Variants in COL4A3 observed in about 807,000 individuals in gnomAD.
COL4A3 encodes the protein collagen alpha-3(IV) chain.
COL4A3 carries 135 observed loss-of-function variants against 217.4 expected under a neutral mutation model. The ratio of observed to expected loss-of-function variants is 0.62; its 90% confidence interval spans 0.54 to 0.72. COL4A3 has a LOEUF of 0.72. Among genes scored for constraint, COL4A3 ranks in the 30% least tolerant of loss-of-function variants. COL4A3 has a pLI of 0.00. For missense variants in COL4A3, 1,868 were observed against 2,119.9 expected (o/e 0.88, Z 2.33); for synonymous variants, 690 against 736.3 (o/e 0.94, Z 1.02).
intron 34 of COL4A3, 134 bp downstream of exon 34, chr2:227,284,479 G>A (rs996752758): frequency 2.0e-5 from 20 of 1,000,098 alleles, no homozygotes; most frequent in South Asian, 2.8e-5. Flanking sequence ...TCACACAGCC[G>A]GTTGGTGGCT....
intron 1 of COL4A3, among the ~76,000 whole-genome samples, chr2:227,209,964 G>A (rs1181455353): frequency 6.6e-6 from 1 of 152,166 alleles, no homozygotes; most frequent in Non-Finnish European, 1.5e-5. Flanking sequence ...TGGGTAATTG[G>A]GATGTTAGGC....
chr2:227,216,821 T>A (rs913025579), intron 1 of COL4A3, among the ~76,000 whole-genome samples: 3 of 152,204 alleles, frequency 2.0e-5, no homozygotes, highest in Non-Finnish European at 4.4e-5. Flanking sequence ...ACTTTCAGTC[T>A]GTTTACAAGG....
At chr2:227,208,163 T>G (rs1368856885) in intron 1 of COL4A3, among the ~76,000 whole-genome samples, 1 of 152,224 alleles carries the variant, frequency 6.6e-6, no homozygotes, top group African/African-American at 2.4e-5. Flanking sequence ...GAACTGACTT[T>G]GGGAAGGAAT....
At chr2:227,272,880 AG>A (rs1304531797) in intron 25 of COL4A3, 68 bp from the exon 26 acceptor site, 29 of 1,483,626 alleles carry the variant, frequency 2.0e-5, no homozygotes, top group Middle Eastern at 3.4e-4. Flanking sequence ...TCATATTTGG[AG>A]GATGATTAAC....
chr2:227,199,459 G>A (rs1385501967), intron 1 of COL4A3, among the ~76,000 whole-genome samples: 2 of 152,030 alleles, frequency 1.3e-5, no homozygotes, highest in African/African-American at 2.4e-5. Flanking sequence ...AGTTCACTTC[G>A]GCTCATTCAG....
chr2:227,186,010 A>C (rs748079156), intron 1 of COL4A3, among the ~76,000 whole-genome samples: 5 of 152,188 alleles, frequency 3.3e-5, no homozygotes, highest in Admixed American at 1.3e-4. Flanking sequence ...CCAGATAATG[A>C]AGGAGTCAGC....
intron 1 of COL4A3, among the ~76,000 whole-genome samples, chr2:227,179,809 A>T (rs2065811878): frequency 6.6e-6 from 1 of 152,246 alleles, no homozygotes; most frequent in Non-Finnish European, 1.5e-5. Context: ...ATACGTGTGC[A>T]GAGAATAATA....
intron 47 of COL4A3, chr2:227,305,376 C>A: frequency 2.7e-6 from 1 of 366,532 alleles, no homozygotes; most frequent in Non-Finnish European, 5.2e-6. Flanking sequence ...AAGGCCAATA[C>A]CTGTTTTTAA....
intron 1 of COL4A3, among the ~76,000 whole-genome samples, chr2:227,172,144 C>T (rs2065499077): frequency 6.6e-6 from 1 of 152,188 alleles, no homozygotes; most frequent in Non-Finnish European, 1.5e-5. Context: ...GCCCACTCTC[C>T]CAACTCCTGA....
intron 4 of COL4A3, 155 bp from the exon 5 acceptor site, chr2:227,244,796 A>T: frequency 2.4e-6 from 2 of 826,846 alleles, no homozygotes; most frequent in Non-Finnish European, 4.2e-6. Flanking sequence ...AAGTTTGTTA[A>T]ACCTTTAGTA....
chr2:227,256,999 T>A (rs548409573), intron 17 of COL4A3, among the ~76,000 whole-genome samples: 1 of 152,306 alleles, frequency 6.6e-6, no homozygotes, highest in East Asian at 1.9e-4. Context: ...TACTGAATAA[T>A]GTAGGCAATT....
chr2:227,285,643 C>T (rs1458239544), intron 34 of COL4A3, among the ~76,000 whole-genome samples: 1 of 152,146 alleles, frequency 6.6e-6, no homozygotes, highest in African/African-American at 2.4e-5. Context: ...ATATGAATAG[C>T]ATATCTCTGC....
At chr2:227,188,544 G>A (rs2066117129) in intron 1 of COL4A3, among the ~76,000 whole-genome samples, 1 of 151,678 alleles carries the variant, frequency 6.6e-6, no homozygotes, top group Non-Finnish European at 1.5e-5. Flanking sequence ...AGTTTGCTTA[G>A]AAAACTGGCT....
intron 43 of COL4A3, chr2:227,302,030 T>C (rs943428986): frequency 1.3e-5 from 2 of 152,250 alleles, no homozygotes; most frequent in Admixed American, 6.5e-5. Context: ...ATGGACAGTA[T>C]GAAAGTAGAT....
chr2:227,197,419 T>C (rs1441282539), intron 1 of COL4A3, among the ~76,000 whole-genome samples: 1 of 152,180 alleles, frequency 6.6e-6, no homozygotes, highest in Non-Finnish European at 1.5e-5. Context: ...TACAGTAGGC[T>C]ATACATCTAG....
At chr2:227,207,697 A>G (rs890587706) in intron 1 of COL4A3, among the ~76,000 whole-genome samples, 1 of 152,224 alleles carries the variant, frequency 6.6e-6, no homozygotes, top group African/African-American at 2.4e-5. Flanking sequence ...ATGGGCAGAA[A>G]TAGGTTGTAA....
chr2:227,223,636 T>A (rs746333984), intron 1 of COL4A3, among the ~76,000 whole-genome samples: 2 of 151,944 alleles, frequency 1.3e-5, no homozygotes, highest in Non-Finnish European at 2.9e-5. Context: ...TGGGAAATTG[T>A]GATGGGAGAA....
At chr2:227,275,507 T>C (rs1451443289) in intron 26 of COL4A3, among the ~76,000 whole-genome samples, 1 of 152,198 alleles carries the variant, frequency 6.6e-6, no homozygotes. Flanking sequence ...AGTGTGAATC[T>C]TTACTAAAGG....
chr2:227,302,677 CAAAAAAAAAAAAAAA>C (rs56065709), intron 43 of COL4A3, among the ~76,000 whole-genome samples: 12 of 79,894 alleles, frequency 1.5e-4, no homozygotes, highest in Admixed American at 4.9e-4. Context: ...ACTCTTTCTC[CAAAAAAAAAAAAAAA>C]AAAAAAAAAA....
Sources: allele counts gnomAD v4.1 joint callset (sites outside exome capture counted in the v4.1 genomes callset), GRCh38; gene constraint gnomAD v4.1.1; transcripts MANE v1.5; gene names NCBI Gene and HGNC (gene_info 2026-07-23, HGNC 2026-07-21).